KRT35: variants seen among roughly 807,000 people sequenced by gnomAD.
The protein encoded by KRT35 is keratin, type I cuticular Ha5.
Under a neutral mutation model 42.2 loss-of-function variants are expected in KRT35, and 33 were observed. The ratio of observed to expected loss-of-function variants is 0.78; its 90% CI spans 0.59 to 1.05. The LOEUF (loss-of-function observed/expected upper bound fraction) is 1.05, where lower values mean the gene tolerates loss of function less well. Ranked by LOEUF, KRT35 falls within the 50% of genes least tolerant of loss-of-function variation. KRT35 has a pLI of 0.00. For synonymous variants in KRT35, 218 were observed against 238.2 expected, an observed-to-expected ratio of 0.92 and a Z score of 0.78; for missense variants, 585 against 589.2, an observed-to-expected ratio of 0.99 and a Z score of 0.07.
Position 41,480,626 on chromosome 17 carries a change from C to T in KRT35, c.471+1G>A, listed in dbSNP as rs2019237864. 6.2e-7 allele frequency: 1 copy of T among 1,611,412 alleles called. No individual in the cohort carries two copies. On this transcript the variant is annotated splice_donor_variant, in intron 1 of 6. Transcript: ENST00000246639. LOFTEE classifies it high-confidence loss of function. ...ATCCAAAGCCACTCTGAACCTCTTA[C>T]CTTCTTCTGGAGCTCCTCGATGGTC... is the stretch of plus-strand genomic sequence containing the variant.
At chr17:41,478,559 A>G in intron 4 of KRT35, 73 bp from the exon 5 acceptor site, 1 of 1,534,080 alleles carries the variant, frequency 6.5e-7, no homozygotes, top group Non-Finnish European at 8.9e-7. Context: ...GAGGCCGGTT[A>G]GAATCATGAG....
intron 2 of KRT35, 48 bp from the exon 3 acceptor site, chr17:41,479,551 CT>C (rs781037838): frequency 6.3e-7 from 1 of 1,598,528 alleles, no homozygotes; most frequent in South Asian, 1.1e-5. Flanking sequence ...CTTTTTGCAT[CT>C]AAGTCAGGCC....
chr17:41,477,131 G>A lies in KRT35; in HGVS notation c.1293C>T (p.Ser431=), dbSNP rs779922267. Residue 431 remains serine, a synonymous_variant, in exon 7 of 7, where the codon TCC becomes TCT. Transcript: ENST00000246639. ...KSCLPCLPAA[S]CGPSAARTNC... ...TTGTGCGGGCTGCACTAGGACCGCA[G>A]GAGGCCGCAGGAAGACAGGGAAGGC... 1 of 1,613,326 alleles carries A rather than the reference G, an allele frequency of 6.2e-7. No individual in the cohort carries two copies. The highest frequency in any genetic ancestry group is 8.5e-7 in the Non-Finnish European group (1 of 1,179,510).
In KRT35 at chr17:41,479,455, G is replaced by T; in HGVS notation, c.603C>A (p.Asn201Lys). Residue 201 changes from asparagine to lysine, a missense_variant, in exon 3 of 7, where the codon AAC becomes AAA. Transcript: ENST00000246639. ...GGTCATCCAGGATCCTGCGCAGGCCGTTGATGTCTGACTCCACCAGCTGCC... is the reference window on the plus strand; with the variant it reads ...GGTCATCCAGGATCCTGCGCAGGCCTTTGATGTCTGACTCCACCAGCTGCC... ...SLRQLVESDI[N>K]GLRRILDDLT... 1 of 1,614,172 alleles carries T rather than the reference G, an allele frequency of 6.2e-7. No homozygotes were observed. Among genetic ancestry groups the T allele is most frequent in the Non-Finnish European group, 8.5e-7 (1 of 1,180,024 alleles).
In KRT35 at chr17:41,479,386, C is replaced by T. The variant is rs778320232; in HGVS notation, c.672G>A (p.Leu224=). 2 of 1,614,142 alleles carry T rather than the reference C, an allele frequency of 1.2e-6. No individual in the cohort carries two copies. Among genetic ancestry groups the T allele is most frequent in the Admixed American group, 3.3e-5 (2 of 60,022 alleles). ...KSDLEAQVES[L]KEELLCLKKN... ...TCTTCAGGCAGAGCAGCTCCTCCTT[C>T]AGGGACTCCACCTGGGCCTCCAGGT... is the stretch of plus-strand genomic sequence containing the variant. Residue 224 remains leucine (L), a synonymous_variant, in exon 3 of 7, where the codon CTG becomes CTA. Transcript: ENST00000246639.
intron 3 of KRT35, 145 bp from the exon 4 acceptor site, chr17:41,479,140 T>TC: frequency 1.0e-6 from 1 of 981,212 alleles, no homozygotes; most frequent in Non-Finnish European, 1.5e-6. Context: ...GCCCACCTCC[T>TC]CCCCATGCTC....
chr17:41,479,873 GAA>G, intron 1 of KRT35, 92 bp from the exon 2 acceptor site: 5 of 1,014,536 alleles, frequency 4.9e-6, no homozygotes, highest in Non-Finnish European at 7.7e-6. Context: ...CTGGAAGGAG[GAA>G]GTCACCCATC....
chr17:41,478,059 A>G (rs1187836140), intron 5 of KRT35, among the ~76,000 whole-genome samples: 2 of 152,184 alleles, frequency 1.3e-5, no homozygotes. Flanking sequence ...TTGATCTAGA[A>G]AGTATCTCCC....
chr17:41,477,517 C>T lies in KRT35; in HGVS notation c.1220+1G>A, dbSNP rs1423525358. 3 of 1,613,076 alleles carry T rather than the reference C, an allele frequency of 1.9e-6. No homozygotes were observed. The highest frequency in any genetic ancestry group is 1.7e-6 in the Non-Finnish European group (2 of 1,180,042). On this transcript the variant is annotated splice_donor_variant, in intron 6 of 6. Coordinates refer to ENST00000246639, the MANE Select transcript of KRT35 (RefSeq NM_002280.6). LOFTEE classifies it high-confidence loss of function. ...ACAAGAGCACATGCAGTGATACTCA[C>T]TTGCTGTCCTCACTCTCCAGCAGGC...
intron 3 of KRT35, 59 bp from the exon 4 acceptor site, chr17:41,479,054 C>G (rs1359731411): frequency 5.9e-6 from 9 of 1,520,036 alleles, no homozygotes; most frequent in African/African-American, 1.4e-5. Context: ...AGGTTCACCT[C>G]CTCCTCATGT....
chr17:41,479,271 C>T, intron 3 of KRT35, 76 bp downstream of exon 3: 3 of 1,464,168 alleles, frequency 2.0e-6, no homozygotes, highest in Non-Finnish European at 2.8e-6. Context: ...ATCCCCAATG[C>T]TCACCTCCTC....
At chr17:41,477,231 A>T in intron 6 of KRT35, 28 bp from the exon 7 acceptor site, 2 of 1,612,748 alleles carry the variant, frequency 1.2e-6, no homozygotes, top group Non-Finnish European at 1.7e-6. Flanking sequence ...AATTACTGTG[A>T]TTTTCCAGTT....
chr17:41,479,204 C>A, intron 3 of KRT35, 143 bp downstream of exon 3: 1 of 1,064,392 alleles, frequency 9.4e-7, no homozygotes, highest in Non-Finnish European at 1.4e-6. Context: ...CCATGCTCAC[C>A]TCCTCTTCCC....
At chr17:41,478,009 C>T (rs2019202446) in intron 5 of KRT35, among the ~76,000 whole-genome samples, 2 of 152,234 alleles carry the variant, frequency 1.3e-5, no homozygotes, top group Admixed American at 1.3e-4. Context: ...CACAATCAGA[C>T]ATCTCACTTG....
chr17:41,479,142 C>G, intron 3 of KRT35, 147 bp from the exon 4 acceptor site: 1 of 977,272 alleles, frequency 1.0e-6, no homozygotes, highest in Non-Finnish European at 1.5e-6. Context: ...CCACCTCCTC[C>G]CCATGCTCAC....
In KRT35 at chr17:41,479,710, G is replaced by A; in HGVS notation, c.543C>T (p.Asp181=). The change falls in exon 2 of 7, where the codon GAC becomes GAT. Residue 181 remains aspartate, a synonymous_variant. Coordinates refer to ENST00000246639, the MANE Select transcript of KRT35 (RefSeq NM_002280.6). Reference sequence around the variant, plus strand: ...GCAGGACAACTCACTTGGTCCTGAAGTCATCTGCAGCCAATTTGGCATTGT... The same window carrying A: ...GCAGGACAACTCACTTGGTCCTGAAATCATCTGCAGCCAATTTGGCATTGT... The part of the protein sequence containing the change: ...EIDNAKLAAD[D]FRTKYETEVS... The A allele has an allele frequency of 6.2e-7, 1 of 1,613,982 alleles. No individual in the cohort carries two copies. The highest frequency in any genetic ancestry group is 8.5e-7 in the Non-Finnish European group (1 of 1,179,854).
At position 41,476,836 on chromosome 17, in the gene KRT35, C is replaced by G. The variant is rs2019177374; in HGVS notation, c.*220G>C. ...CAGCCTGAGAACAGAGACCCTGGCA[C>G]CCATTGAAATGATGAGGAGTTGAGA... On this transcript the variant is annotated 3_prime_UTR_variant, in exon 7 of 7. Transcript: ENST00000246639. The G allele has an allele frequency of 4.3e-6, 2 of 468,210 alleles. No individual in the cohort carries two copies. Among genetic ancestry groups the G allele is most frequent in the Non-Finnish European group, 7.4e-6 (2 of 269,944 alleles). The allele number at this position is 468,210 out of a possible 1,614,324, so 29.0% of individuals were successfully genotyped here. A position where few individuals can be genotyped will look rare whatever the true frequency, so the allele number is the denominator to read the frequency against.
chr17:41,481,128 T>C lies in KRT35; in HGVS notation c.-31A>G, dbSNP rs763061876. On this transcript the variant is annotated 5_prime_UTR_variant, in exon 1 of 7. Coordinates refer to ENST00000246639, the MANE Select transcript of KRT35 (RefSeq NM_002280.6). ...CTGCAACTCAGATGCAATTGATAGG[T>C]CTCTGAGGCCAGACACCCCAAAGCA... The C allele has an allele frequency of 6.7e-7, 1 of 1,502,178 alleles. No individual in the cohort carries two copies. Among genetic ancestry groups the C allele is most frequent in the Non-Finnish European group, 9.1e-7 (1 of 1,103,080 alleles). The allele number at this position is 1,502,178 out of a possible 1,614,324, so 93.1% of individuals were successfully genotyped here.
rs1327810469 is a variant in KRT35 at position 41,477,147 on chromosome 17, C to T, written c.1277G>A (p.Cys426Tyr). 1.2e-6 allele frequency: 2 copies of T among 1,613,608 alleles called. No homozygotes were observed. Among genetic ancestry groups the T allele is most frequent in the Non-Finnish European group, 1.7e-6 (2 of 1,179,808 alleles). Residue 426 changes from cysteine to tyrosine, a missense_variant, in exon 7 of 7, where the codon TGT becomes TAT. Coordinates refer to ENST00000246639, the MANE Select transcript of KRT35 (RefSeq NM_002280.6). ...DYSPSKSCLP[C>Y]LPAASCGPSA... ...AGGACCGCAGGAGGCCGCAGGAAGA[C>T]AGGGAAGGCATGACTTGGAGGGTGA...
Sources: gnomAD v4.1 joint callset for allele counts (sites outside exome capture counted in the v4.1 genomes callset) on GRCh38, gnomAD v4.1.1 for gene constraint, MANE v1.5 for transcripts, NCBI Gene and HGNC (gene_info 2026-07-23, HGNC 2026-07-21) for gene names.